ABTB3: variants seen among roughly 807,000 people sequenced by gnomAD.
ABTB3 encodes the protein ankyrin repeat- and BTB/POZ domain-containing protein 3.
the ABTB3 span, among the ~76,000 whole-genome samples, chr12:107,646,335 G>A: frequency 3.9e-5 from 6 of 152,344 alleles, no homozygotes; most frequent in Admixed American, 2.6e-4. Flanking sequence ...CCACTAAGGA[G>A]CAGCGTTTCA....
the ABTB3 span, among the ~76,000 whole-genome samples, chr12:107,549,600 C>G: frequency 1.5e-4 from 23 of 152,300 alleles, no homozygotes; most frequent in Admixed American, 2.6e-4. Flanking sequence ...TCTGGGAGGC[C>G]CAGTATGGGT....
At chr12:107,407,580 C>A in the ABTB3 span, among the ~76,000 whole-genome samples, 2 of 152,198 alleles carry the variant, frequency 1.3e-5, no homozygotes, top group African/African-American at 2.4e-5. Context: ...GGGGCAGGTG[C>A]CTTCATTTCT....
At chr12:107,606,875 G>T in the ABTB3 span, among the ~76,000 whole-genome samples, 1 of 152,134 alleles carries the variant, frequency 6.6e-6, no homozygotes. Flanking sequence ...AGACCCGTGC[G>T]CACCTCTCCC....
the ABTB3 span, among the ~76,000 whole-genome samples, chr12:107,564,265 A>G: frequency 1.2e-4 from 18 of 152,180 alleles, no homozygotes; most frequent in African/African-American, 4.1e-4. Flanking sequence ...GGATCACTCA[A>G]CCAAGACACC....
At chr12:107,438,099 G>A in the ABTB3 span, among the ~76,000 whole-genome samples, 2 of 152,070 alleles carry the variant, frequency 1.3e-5, no homozygotes, top group East Asian at 1.9e-4. Context: ...GACCCTGAGC[G>A]GGGCCCAGAT....
chr12:107,600,206 G>A, the ABTB3 span, among the ~76,000 whole-genome samples: 1 of 152,180 alleles, frequency 6.6e-6, no homozygotes, highest in Non-Finnish European at 1.5e-5. Flanking sequence ...CAGGATGCCT[G>A]GGTTGAGTGC....
the ABTB3 span, among the ~76,000 whole-genome samples, chr12:107,425,180 G>C: frequency 6.6e-6 from 1 of 152,112 alleles, no homozygotes; most frequent in Non-Finnish European, 1.5e-5. Context: ...CTCATGGTTC[G>C]TGCTTCCATG....
At chr12:107,440,769 GAGA>G in the ABTB3 span, among the ~76,000 whole-genome samples, 1 of 152,214 alleles carries the variant, frequency 6.6e-6, no homozygotes, top group South Asian at 2.1e-4. Flanking sequence ...GGAAATGAAA[GAGA>G]AGAAGAAAAA....
chr12:107,657,723 C>T, the ABTB3 span: 2 of 1,613,854 alleles, frequency 1.2e-6, no homozygotes, highest in Non-Finnish European at 1.7e-6. Context: ...GTATGAAACG[C>T]CTAGTGCAGG....
the ABTB3 span, among the ~76,000 whole-genome samples, chr12:107,614,482 T>G: frequency 6.6e-6 from 1 of 152,198 alleles, no homozygotes; most frequent in South Asian, 2.1e-4. Context: ...GACAGTCCCT[T>G]GCCTGGGGTT....
chr12:107,581,318 C>T, the ABTB3 span: 2 of 1,311,574 alleles, frequency 1.5e-6, no homozygotes, highest in South Asian at 1.9e-5. Context: ...GGCGCGGGGG[C>T]GGGCGGGGGG....
the ABTB3 span, among the ~76,000 whole-genome samples, chr12:107,405,624 G>T: frequency 6.6e-6 from 1 of 152,266 alleles, no homozygotes; most frequent in Non-Finnish European, 1.5e-5. Context: ...CCTCAAGTCT[G>T]GGCTGGAGCC....
chr12:107,624,993 G>A, the ABTB3 span, among the ~76,000 whole-genome samples: 2 of 152,110 alleles, frequency 1.3e-5, no homozygotes, highest in Non-Finnish European at 2.9e-5. Context: ...TCACTGTTTG[G>A]TGTTGTCACT....
chr12:107,617,276 A>G, the ABTB3 span: 1 of 1,614,040 alleles, frequency 6.2e-7, no homozygotes, highest in South Asian at 1.1e-5. Context: ...ATTCTCTTAT[A>G]AAACCCCCTT....
chr12:107,645,321 T>A, the ABTB3 span, among the ~76,000 whole-genome samples: 1 of 152,184 alleles, frequency 6.6e-6, no homozygotes, highest in Non-Finnish European at 1.5e-5. Flanking sequence ...CTCTGGGACC[T>A]GTCTCTGAGA....
chr12:107,632,716 AAGGAGTC>A, the ABTB3 span, among the ~76,000 whole-genome samples: 2 of 152,204 alleles, frequency 1.3e-5, no homozygotes, highest in Admixed American at 1.3e-4. Context: ...GGGCAAAATC[AAGGAGTC>A]AGCAGGATTG....
the ABTB3 span, among the ~76,000 whole-genome samples, chr12:107,545,782 A>T: frequency 6.6e-5 from 10 of 152,336 alleles, no homozygotes; most frequent in East Asian, 1.7e-3. Flanking sequence ...CTCTGGGTAC[A>T]AATGCTAAGA....
chr12:107,385,431 G>A, the ABTB3 span, among the ~76,000 whole-genome samples: 9 of 152,240 alleles, frequency 5.9e-5, no homozygotes, highest in East Asian at 1.7e-3. Flanking sequence ...TGCATTGCCT[G>A]CTGAGAGCAG....
the ABTB3 span, among the ~76,000 whole-genome samples, chr12:107,350,283 G>T: frequency 6.6e-6 from 1 of 152,150 alleles, no homozygotes; most frequent in African/African-American, 2.4e-5. Context: ...TGGGCGCAGT[G>T]GCTCACACCT....
Sources: allele counts gnomAD v4.1 joint callset (sites outside exome capture counted in the v4.1 genomes callset), GRCh38; gene constraint gnomAD v4.1.1; transcripts MANE v1.5; gene names NCBI Gene and HGNC (gene_info 2026-07-23, HGNC 2026-07-21).